Variants in SCAI observed in about 807,000 individuals in gnomAD.
The protein encoded by SCAI is suppressor of cancer cell invasion, also known as protein SCAI.
Under a neutral mutation model 92.2 loss-of-function variants are expected in SCAI, and 24 were observed. The observed-to-expected ratio is 0.26, with a 90% confidence interval of 0.19 to 0.37. SCAI has a LOEUF of 0.37. SCAI is among the 10% of genes least tolerant of loss of function. The probability of loss-of-function intolerance (pLI) is 1.00; values close to 1 mark genes in which losing one functional copy is unlikely to be tolerated. For synonymous variants in SCAI, 261 were observed against 258.6 expected, an observed-to-expected ratio of 1.01 and a Z score of -0.09; for missense variants, 450 against 736.2, an observed-to-expected ratio of 0.61 and a Z score of 4.50.
At chr9:124,972,421 T>C (rs996164583) in intron 15 of SCAI, among the ~76,000 whole-genome samples, 1 of 152,174 alleles carries the variant, frequency 6.6e-6, no homozygotes, top group African/African-American at 2.4e-5. Context: ...CGTGACTAGA[T>C]GAGTAAAATA....
chr9:125,033,796 G>C (rs1436327367), intron 3 of SCAI, among the ~76,000 whole-genome samples: 1 of 152,136 alleles, frequency 6.6e-6, no homozygotes, highest in Non-Finnish European at 1.5e-5. Flanking sequence ...AGCAATACAC[G>C]ATGGACTGAG....
At chr9:125,030,597 T>C (rs1226685765) in intron 3 of SCAI, among the ~76,000 whole-genome samples, 1 of 152,218 alleles carries the variant, frequency 6.6e-6, no homozygotes, top group Non-Finnish European at 1.5e-5. Flanking sequence ...ATAACAAACA[T>C]GTAACATATG....
intron 9 of SCAI, among the ~76,000 whole-genome samples, chr9:125,006,583 C>G (rs563459982): frequency 2.6e-5 from 4 of 152,256 alleles, no homozygotes; most frequent in African/African-American, 9.6e-5. Context: ...CCTCTGCCTC[C>G]CGGGTTCAAG....
chr9:124,985,596 G>A (rs1333325122), intron 14 of SCAI, among the ~76,000 whole-genome samples: 3 of 152,140 alleles, frequency 2.0e-5, no homozygotes, highest in Non-Finnish European at 2.9e-5. Context: ...AGCTGGGCAC[G>A]GTGGCTCACA....
intron 2 of SCAI, among the ~76,000 whole-genome samples, chr9:125,125,345 A>G (rs1338210368): frequency 6.6e-6 from 1 of 152,180 alleles, no homozygotes; most frequent in Non-Finnish European, 1.5e-5. Flanking sequence ...GCTGGCCAAC[A>G]TGGTGAAACC....
At chr9:125,104,118 A>G (rs976103880) in intron 2 of SCAI, among the ~76,000 whole-genome samples, 17 of 152,326 alleles carry the variant, frequency 1.1e-4, no homozygotes, top group Admixed American at 5.2e-4. Context: ...CTTAAAAACT[A>G]CAATAAAAAA....
chr9:124,985,415 C>T (rs1831968475), intron 14 of SCAI, among the ~76,000 whole-genome samples: 1 of 151,964 alleles, frequency 6.6e-6, no homozygotes, highest in Non-Finnish European at 1.5e-5. Flanking sequence ...AAATGCAGAC[C>T]CTCTCTGAAT....
chr9:124,976,715 G>A (rs1270224435), intron 14 of SCAI, among the ~76,000 whole-genome samples: 1 of 152,002 alleles, frequency 6.6e-6, no homozygotes, highest in African/African-American at 2.4e-5. Context: ...TTTCCCTGAA[G>A]GTATATCTAC....
chr9:125,115,386 A>C (rs1469935656), intron 2 of SCAI, among the ~76,000 whole-genome samples: 1 of 151,212 alleles, frequency 6.6e-6, no homozygotes, highest in Non-Finnish European at 1.5e-5. Context: ...AAAAAAAAAA[A>C]AAAAAAAACT....
At chr9:125,136,451 C>A (rs1318772600) in intron 2 of SCAI, among the ~76,000 whole-genome samples, 2 of 140,782 alleles carry the variant, frequency 1.4e-5, no homozygotes, top group African/African-American at 5.1e-5. Context: ...GATACTAATA[C>A]CTTTCTTTTT....
intron 17 of SCAI, among the ~76,000 whole-genome samples, chr9:124,961,875 GT>G (rs1365986315): frequency 0.02 from 2,656 of 132,490 alleles, 85 homozygotes; most frequent in Admixed American, 0.09. Flanking sequence ...CTTTGTGGCA[GT>G]TTTTTTTTTT....
intron 2 of SCAI, among the ~76,000 whole-genome samples, chr9:125,109,821 A>G (rs10121867): frequency 1 from 152,146 of 152,294 alleles, 75,999 homozygotes; most frequent in Middle Eastern, 1. Context: ...CAAGTAGGTG[A>G]GATTACAGGC....
chr9:125,139,186 G>A (rs1835610077), intron 2 of SCAI, among the ~76,000 whole-genome samples: 1 of 152,176 alleles, frequency 6.6e-6, no homozygotes, highest in African/African-American at 2.4e-5. Context: ...TCTGAGGAAG[G>A]CAGATAGCTT....
At chr9:125,033,463 TAACAAC>T (rs201793470) in intron 3 of SCAI, among the ~76,000 whole-genome samples, 24 of 151,740 alleles carry the variant, frequency 1.6e-4, no homozygotes, top group African/African-American at 2.7e-4. Context: ...AAATAAGGTA[TAACAAC>T]AACAACAACA....
chr9:124,952,990 T>C, intron 17 of SCAI, 37 bp from the exon 18 acceptor site: 1 of 1,590,276 alleles, frequency 6.3e-7, no homozygotes, highest in Non-Finnish European at 8.6e-7. Context: ...AGTTTTGTAG[T>C]CTAATGAAAG....
chr9:125,032,199 T>A lies in SCAI; in HGVS notation c.231-2460A>T, dbSNP rs867285774. ...TATATATATATATATATATATATTT[T>A]TTTTTTTTTTTGAGATGGAGTCTCT... is the stretch of plus-strand genomic sequence containing the variant. On this transcript the variant is annotated intron_variant, in intron 3 of 17. Transcript: ENST00000336505. Among the ~76,000 whole-genome samples, 85 of 124,246 alleles carry A rather than the reference T, an allele frequency of 6.8e-4. 1 individual carries two copies. The highest frequency in any genetic ancestry group is 3.7e-3 in the Middle Eastern group (1 of 268). The allele number at this position is 124,246 out of a possible 152,430, so 81.5% of individuals were successfully genotyped here.
intron 2 of SCAI, among the ~76,000 whole-genome samples, chr9:125,072,597 A>C (rs1406803914): frequency 2.6e-5 from 4 of 152,168 alleles, no homozygotes; most frequent in African/African-American, 9.7e-5. Context: ...GGTATTGAAT[A>C]CATCCATAGC....
At chr9:124,960,628 A>T (rs528896502) in intron 17 of SCAI, among the ~76,000 whole-genome samples, 58 of 152,348 alleles carry the variant, frequency 3.8e-4, no homozygotes, top group Middle Eastern at 3.4e-3. Context: ...ATCTCGAGTG[A>T]AAACAATCAC....
At chr9:125,069,191 C>G (rs1213478044) in intron 2 of SCAI, among the ~76,000 whole-genome samples, 1 of 151,716 alleles carries the variant, frequency 6.6e-6, no homozygotes, top group Non-Finnish European at 1.5e-5. Flanking sequence ...GCACTCCAGC[C>G]TGGGAGACAG....
Sources: allele counts gnomAD v4.1 joint callset (sites outside exome capture counted in the v4.1 genomes callset), GRCh38; gene constraint gnomAD v4.1.1; transcripts MANE v1.5; gene names NCBI Gene and HGNC (gene_info 2026-07-23, HGNC 2026-07-21).